The following CLOCK variants were observed in gnomAD, a reference collection of about 807,000 sequenced individuals.
CLOCK encodes circadian locomoter output cycles protein kaput.
A neutral mutation model predicts 118.4 loss-of-function variants in CLOCK; 43 were observed. The ratio of observed to expected loss-of-function variants is 0.36; its 90% CI spans 0.28 to 0.47. CLOCK has a LOEUF of 0.47. Among genes scored for constraint, CLOCK ranks in the 20% least tolerant of loss-of-function variants. The probability of loss-of-function intolerance (pLI) is 1.00; values close to 1 mark genes in which losing one functional copy is unlikely to be tolerated. For missense variants in CLOCK, 846 were observed against 999.9 expected, an observed-to-expected ratio of 0.85 and a Z score of 2.08; for synonymous variants, 326 against 339.2, an observed-to-expected ratio of 0.96 and a Z score of 0.43.
intron 2 of CLOCK, among the ~76,000 whole-genome samples, chr4:55,505,923 GC>G (rs1435845734): frequency 6.6e-6 from 1 of 151,482 alleles, no homozygotes; most frequent in Non-Finnish European, 1.5e-5. Context: ...AAAGTAAAAT[GC>G]ACATATCATA....
chr4:55,478,067 G>A (rs1443715425), intron 6 of CLOCK, among the ~76,000 whole-genome samples: 1 of 152,062 alleles, frequency 6.6e-6, no homozygotes, highest in Non-Finnish European at 1.5e-5. Context: ...AAGTAAAACA[G>A]AGGCACTAAT....
chr4:55,546,089 C>T (rs1294450193), intron 1 of CLOCK, among the ~76,000 whole-genome samples: 4 of 152,280 alleles, frequency 2.6e-5, no homozygotes, highest in Non-Finnish European at 4.4e-5. Context: ...CTGGCCGCCC[C>T]GGCGCCCCAT....
chr4:55,535,966 G>A (rs1730868610), intron 1 of CLOCK, among the ~76,000 whole-genome samples: 1 of 151,974 alleles, frequency 6.6e-6, no homozygotes, highest in Admixed American at 6.6e-5. Flanking sequence ...TTGTTGCTGA[G>A]GAACACAGAA....
intron 6 of CLOCK, among the ~76,000 whole-genome samples, chr4:55,476,806 AT>A (rs1283848677): frequency 1.3e-5 from 2 of 152,120 alleles, no homozygotes; most frequent in African/African-American, 4.8e-5. Flanking sequence ...ATGTTTTTCT[AT>A]TTTTTAATGT....
At chr4:55,448,378 A>G (rs1166467271) in intron 18 of CLOCK, among the ~76,000 whole-genome samples, 1 of 152,152 alleles carries the variant, frequency 6.6e-6, no homozygotes, top group Non-Finnish European at 1.5e-5. Context: ...GTGTTCCTCA[A>G]TGAGGGAGTG....
At chr4:55,516,659 C>A (rs1007471530) in intron 1 of CLOCK, among the ~76,000 whole-genome samples, 4 of 152,108 alleles carry the variant, frequency 2.6e-5, no homozygotes, top group Non-Finnish European at 5.9e-5. Context: ...CTGGCACTGT[C>A]TTTTAATTGG....
chr4:55,466,089 C>T (rs1174960477), intron 8 of CLOCK, among the ~76,000 whole-genome samples: 5 of 152,074 alleles, frequency 3.3e-5, no homozygotes, highest in African/African-American at 1.2e-4. Context: ...GTGTCCCCAC[C>T]CAAATCTCAT....
intron 21 of CLOCK, among the ~76,000 whole-genome samples, chr4:55,439,654 G>A (rs925311473): frequency 2.6e-5 from 4 of 152,154 alleles, no homozygotes; most frequent in African/African-American, 9.7e-5. Flanking sequence ...AAACATAGTA[G>A]AGTAGAATAT....
intron 1 of CLOCK, among the ~76,000 whole-genome samples, chr4:55,520,047 G>GT (rs1213760672): frequency 6.6e-6 from 1 of 152,136 alleles, no homozygotes; most frequent in Non-Finnish European, 1.5e-5. Context: ...CTCTGCAGTT[G>GT]TATCACCTTA....
intron 14 of CLOCK, chr4:55,453,332 A>G: frequency 1.8e-6 from 1 of 556,252 alleles, no homozygotes; most frequent in East Asian, 2.9e-5. Flanking sequence ...ACACTGCTGT[A>G]AACGATCCAT....
chr4:55,504,094 C>T lies in CLOCK; in HGVS notation c.-136+5818G>A, dbSNP rs570723205. Among the ~76,000 whole-genome samples, 52 of 149,538 alleles carry T rather than the reference C, an allele frequency of 3.5e-4. 2 individuals carry two copies. The South Asian group carries it at 0.011, about 31-fold the overall frequency. ...GGTCAGGAGATCGAGACCATCCTGG[C>T]TAACACAGTGAAACCCTGTCTCTAC... On this transcript the variant is annotated intron_variant, in intron 2 of 22. Transcript: ENST00000513440.
At chr4:55,492,913 T>C (rs925897185) in intron 2 of CLOCK, among the ~76,000 whole-genome samples, 5 of 152,140 alleles carry the variant, frequency 3.3e-5, no homozygotes, top group Non-Finnish European at 7.4e-5. Flanking sequence ...GCATTAACAG[T>C]GGCATGAAAA....
At position 55,529,634 on chromosome 4, in the gene CLOCK, C is replaced by A. The variant is rs181419781; in HGVS notation, c.-290+17148G>T. ...AATAATAATACAAGAGTCCACTATGCCAAGAACTGTTACAAATGCTTAATA... is the reference window on the plus strand; with the variant it reads ...AATAATAATACAAGAGTCCACTATGACAAGAACTGTTACAAATGCTTAATA... On this transcript the variant is annotated intron_variant, in intron 1 of 22. Transcript: ENST00000513440. Among the ~76,000 whole-genome samples the A allele has an allele frequency of 1.6e-3, 244 of 152,252 alleles. 1 individual carries two copies. Among genetic ancestry groups the A allele is most frequent in the African/African-American group, 5.6e-3 (231 of 41,548 alleles).
intron 18 of CLOCK, among the ~76,000 whole-genome samples, chr4:55,446,242 T>A (rs1246637346): frequency 6.6e-6 from 1 of 151,858 alleles, no homozygotes; most frequent in Admixed American, 6.6e-5. Flanking sequence ...TACAGGCATA[T>A]GCCACCATGC....
chr4:55,445,667 T>TA (rs1458023960), intron 18 of CLOCK, among the ~76,000 whole-genome samples: 1 of 143,396 alleles, frequency 7.0e-6, no homozygotes, highest in Non-Finnish European at 1.5e-5. Flanking sequence ...CATGGCTCTC[T>TA]ACAGCCTTAA....
intron 20 of CLOCK, among the ~76,000 whole-genome samples, chr4:55,443,083 A>G (rs1723505350): frequency 6.6e-6 from 1 of 152,206 alleles, no homozygotes; most frequent in African/African-American, 2.4e-5. Flanking sequence ...CTTCCTGGTC[A>G]GCCTCTTGAG....
intron 1 of CLOCK, chr4:55,545,546 T>G (rs565601046): frequency 6.6e-6 from 1 of 152,342 alleles, no homozygotes; most frequent in East Asian, 1.9e-4. Context: ...TTTTTTATTT[T>G]TTAAAGAAGG....
At chr4:55,491,478 A>C (rs1403004969) in intron 2 of CLOCK, among the ~76,000 whole-genome samples, 1 of 151,974 alleles carries the variant, frequency 6.6e-6, no homozygotes, top group Non-Finnish European at 1.5e-5. Flanking sequence ...TCAAAATCAG[A>C]AATAAAAGGA....
rs73153608 is a variant in CLOCK at position 55,475,592 on chromosome 4, T to C, written c.348+371A>G. The stretch of plus-strand genomic sequence containing the variant: ...TTCATTGCTGACTCATTTTAAGAAA[T>C]TGCCGTAGCCACCCCAACCTTCAGC... On this transcript the variant is annotated intron_variant, in intron 7 of 22. Transcript: ENST00000513440. Among the ~76,000 whole-genome samples the C allele has an allele frequency of 3.8e-3, 583 of 152,082 alleles. 4 individuals are homozygous for C. The highest frequency in any genetic ancestry group is 0.013 in the African/African-American group (546 of 41,426).
Sources: gnomAD v4.1 joint callset for allele counts (sites outside exome capture counted in the v4.1 genomes callset) on GRCh38, gnomAD v4.1.1 for gene constraint, MANE v1.5 for transcripts, NCBI Gene and HGNC (gene_info 2026-07-23, HGNC 2026-07-21) for gene names.